KCNQ1: variants seen among roughly 807,000 people sequenced by gnomAD.
KCNQ1 encodes potassium voltage-gated channel subfamily Q member 1.
KCNQ1 carries 49 observed loss-of-function variants against 72.4 expected under a neutral mutation model. The observed-to-expected ratio is 0.68, with a 90% CI of 0.54 to 0.86. The LOEUF (loss-of-function observed/expected upper bound fraction) is 0.86. Ranked by LOEUF, KCNQ1 falls within the 40% of genes least tolerant of loss-of-function variation. The pLI, the probability that KCNQ1 is intolerant of heterozygous loss-of-function variation, is 0.00. For missense variants in KCNQ1, 790 were observed against 945.1 expected, an observed-to-expected ratio of 0.84 and a Z score of 2.15; for synonymous variants, 450 against 412.6, an observed-to-expected ratio of 1.09 and a Z score of -1.10.
rs1023577839 is a variant in KCNQ1 at position 2,690,232 on chromosome 11, A to G, written c.1514+28151A>G. The G allele has an allele frequency of 1.5e-5, 6 of 398,700 alleles. No homozygotes were observed. In the East Asian group the frequency reaches 1.8e-4, roughly 12 times the overall value. The allele number at this position is 398,700 out of a possible 1,614,324, so 24.7% of individuals were successfully genotyped here. A position where few individuals can be genotyped will look rare whatever the true frequency, so the allele number is the denominator to read the frequency against. ...TGTCAAGTGCCTGGTGACCTCAAGCAAGTCATTCCATGTGGCTGAGCTGCT... is the reference window on the plus strand; with the variant it reads ...TGTCAAGTGCCTGGTGACCTCAAGCGAGTCATTCCATGTGGCTGAGCTGCT... On this transcript the variant is annotated intron_variant, in intron 11 of 15. Coordinates refer to ENST00000155840, the MANE Select transcript of KCNQ1 (RefSeq NM_000218.3). The surrounding 1 kb of genome is among the most constrained non-coding windows in gnomAD (Gnocchi z 5.1).
At chr11:2,452,301 A>T (rs946712276) in intron 1 of KCNQ1, among the ~76,000 whole-genome samples, 3 of 152,138 alleles carry the variant, frequency 2.0e-5, no homozygotes, top group Non-Finnish European at 4.4e-5. Context: ...GAGCAGCTGG[A>T]CAGGGACCCC....
rs898984888 is a variant in KCNQ1 at position 2,447,551 on chromosome 11, G to A, written c.386+2067G>A. ...CCCACCCTCAGTGCCCTAGGAGGTT[G>A]GCAGGACCAGTCTCTTGAGGGGAGA... On this transcript the variant is annotated intron_variant, in intron 1 of 15. Coordinates refer to ENST00000155840, the MANE Select transcript of KCNQ1 (RefSeq NM_000218.3). The surrounding 1 kb of genome is among the most constrained non-coding windows in gnomAD (Gnocchi z 7.6). 3.9e-5 allele frequency among the ~76,000 whole-genome samples: 6 copies of A among 152,102 alleles called. No homozygotes were observed. The highest frequency in any genetic ancestry group is 8.8e-5 in the Non-Finnish European group (6 of 68,008).
At position 2,830,921 on chromosome 11, in the gene KCNQ1, G is replaced by A. The variant is rs1052071219; in HGVS notation, c.1795-16846G>A. On this transcript the variant is annotated intron_variant, in intron 15 of 15. Coordinates refer to ENST00000155840, the MANE Select transcript of KCNQ1 (RefSeq NM_000218.3). The surrounding 1 kb of genome is among the most constrained non-coding windows in gnomAD (Gnocchi z 7.7). ...AGCTGACCAGGGAGTCTTTGAAACC[G>A]CAAGGGTACCCTTGGGAGACCCCGT... Among the ~76,000 whole-genome samples the A allele has an allele frequency of 5.9e-5, 9 of 152,180 alleles. No individual in the cohort carries two copies. Among genetic ancestry groups the A allele is most frequent in the East Asian group, 3.9e-4 (2 of 5,186 alleles).
At position 2,508,863 on chromosome 11, in the gene KCNQ1, C is replaced by T. The variant is rs1337388896; in HGVS notation, c.387-19065C>T. On this transcript the variant is annotated intron_variant, in intron 1 of 15. Transcript: ENST00000155840. This position sits in a 1 kb window ranked among gnomAD's most constrained non-coding sequence, Gnocchi z 6.2. ...AGTTGAATGCATGCTCCCTCCACAC[C>T]CATGTGCCTGATGCACACAGCCTGG... Among the ~76,000 whole-genome samples the T allele has an allele frequency of 2.6e-5, 4 of 152,224 alleles. No individual in the cohort carries two copies. The highest frequency in any genetic ancestry group is 9.6e-5 in the African/African-American group (4 of 41,458).
Position 2,748,230 on chromosome 11 carries a change from G to A in KCNQ1, c.1515-20614G>A, listed in dbSNP as rs555618736. 1.8e-4 allele frequency among the ~76,000 whole-genome samples: 28 copies of A among 152,000 alleles called. No individual in the cohort carries two copies. The highest frequency in any genetic ancestry group is 2.0e-4 in the Admixed American group (3 of 15,276). ...CTGTCTCCTTGTGTCCCCAGACCTC[G>A]GGCGAGGGAGAAGCAAGTTCCCCTC... On this transcript the variant is annotated intron_variant, in intron 11 of 15. Coordinates refer to ENST00000155840, the MANE Select transcript of KCNQ1 (RefSeq NM_000218.3). The surrounding 1 kb of genome is among the most constrained non-coding windows in gnomAD (Gnocchi z 6.2).
chr11:2,584,306 TGTTA>T (rs1848552391), intron 7 of KCNQ1, among the ~76,000 whole-genome samples: 1 of 152,204 alleles, frequency 6.6e-6, no homozygotes, highest in East Asian at 1.9e-4. Flanking sequence ...TGTAGACATG[TGTTA>T]GTATGTGCTT....
chr11:2,550,480 C>G lies in KCNQ1; in HGVS notation c.478-20148C>G, dbSNP rs1044639374. On this transcript the variant is annotated intron_variant, in intron 2 of 15. Coordinates refer to ENST00000155840, the MANE Select transcript of KCNQ1 (RefSeq NM_000218.3). This position sits in a 1 kb window ranked among gnomAD's most constrained non-coding sequence, Gnocchi z 6.0. ...CCTAGGCAGCTCCATGCGCGGGCCC[C>G]GGAGCTGGAAAGCAGCCAAGGGCAC... is the stretch of plus-strand genomic sequence containing the variant. Among the ~76,000 whole-genome samples, 1 of 152,190 alleles carries G rather than the reference C, an allele frequency of 6.6e-6. No homozygotes were observed. The highest frequency in any genetic ancestry group is 2.4e-5 in the African/African-American group (1 of 41,438).
At chr11:2,561,209 AAAAAAAG>A (rs1299989579) in intron 2 of KCNQ1, among the ~76,000 whole-genome samples, 7 of 123,520 alleles carry the variant, frequency 5.7e-5, no homozygotes, top group African/African-American at 2.2e-4. Context: ...TCAAAAAAAA[AAAAAAAG>A]AAAAAAAGAA....
At position 2,650,806 on chromosome 11, in the gene KCNQ1, A is replaced by G. The variant is rs1251021079; in HGVS notation, c.1394-11155A>G. 1.3e-5 allele frequency: 5 copies of G among 398,634 alleles called. No individual in the cohort carries two copies. The East Asian group carries it at 1.8e-4, about 14-fold the overall frequency. The allele number at this position is 398,634 out of a possible 1,614,324, so 24.7% of individuals were successfully genotyped here. A position where few individuals can be genotyped will look rare whatever the true frequency, so the allele number is the denominator to read the frequency against. ...CCTAATACTGCTAACAGCATGGGTC[A>G]TGTGGTTTTATTTGCACTTACTGAT... On this transcript the variant is annotated intron_variant, in intron 10 of 15. Coordinates refer to ENST00000155840, the MANE Select transcript of KCNQ1 (RefSeq NM_000218.3).
chr11:2,580,294 G>A (rs1848480297), intron 6 of KCNQ1, among the ~76,000 whole-genome samples: 1 of 152,032 alleles, frequency 6.6e-6, no homozygotes. Context: ...TGGTCTCAGG[G>A]CCCCTTGGTG....
At chr11:2,714,098 C>A (rs1216489831) in intron 11 of KCNQ1, among the ~76,000 whole-genome samples, 1 of 152,224 alleles carries the variant, frequency 6.6e-6, no homozygotes, top group Admixed American at 6.5e-5. Context: ...TCTTTCCGAG[C>A]CTCTCCTGTT....
At chr11:2,740,162 C>T (rs1158848675) in intron 11 of KCNQ1, among the ~76,000 whole-genome samples, 1 of 152,124 alleles carries the variant, frequency 6.6e-6, no homozygotes, top group African/African-American at 2.4e-5. Context: ...TTCTTTACCC[C>T]TCTGTGAGAT....
chr11:2,519,251 C>A (rs1847338177), intron 1 of KCNQ1, among the ~76,000 whole-genome samples: 2 of 152,236 alleles, frequency 1.3e-5, no homozygotes, highest in South Asian at 2.1e-4. Flanking sequence ...ATCACCACCC[C>A]CAGCTCCCTT....
chr11:2,533,601 C>A (rs905294594), intron 2 of KCNQ1, among the ~76,000 whole-genome samples: 15 of 152,196 alleles, frequency 9.9e-5, no homozygotes, highest in African/African-American at 3.4e-4. Flanking sequence ...TGCGCACATG[C>A]GTACACATAT....
intron 1 of KCNQ1, among the ~76,000 whole-genome samples, chr11:2,474,696 C>G (rs939851188): frequency 1.3e-4 from 5 of 39,780 alleles, no homozygotes; most frequent in Admixed American, 1.1e-3. Context: ...GAGCTTGGGC[C>G]CCTGCTCCCA....
In KCNQ1 at chr11:2,617,216, T is replaced by C. The variant is rs537482207; in HGVS notation, c.1393+28362T>C. 1 of 398,424 alleles carries C rather than the reference T, an allele frequency of 2.5e-6. No individual in the cohort carries two copies. The highest frequency in any genetic ancestry group is 2.1e-5 in the African/African-American group (1 of 48,738). The allele number at this position is 398,424 out of a possible 1,614,324, so 24.7% of individuals were successfully genotyped here. On this transcript the variant is annotated intron_variant, in intron 10 of 15. Transcript: ENST00000155840. The surrounding 1 kb of genome is among the most constrained non-coding windows in gnomAD (Gnocchi z 4.6). ...GCTACTTGGTATCCTTTGACCTACA[T>C]CTTTCCATTTTCTTCCCCCACACCT...
chr11:2,611,350 G>T lies in KCNQ1; in HGVS notation c.1393+22496G>T. On this transcript the variant is annotated intron_variant, in intron 10 of 15. Transcript: ENST00000155840. The surrounding 1 kb of genome is among the most constrained non-coding windows in gnomAD (Gnocchi z 5.3). ...TTCTCTTGCCTCAGCATCCCAAGTA[G>T]CTGGGACTACAGGCATTTGCCACCA... The T allele has an allele frequency of 2.5e-6, 1 of 397,496 alleles. No individual in the cohort carries two copies. Among genetic ancestry groups the T allele is most frequent in the Non-Finnish European group, 4.4e-6 (1 of 225,946 alleles). The allele number at this position is 397,496 out of a possible 1,614,324, so 24.6% of individuals were successfully genotyped here. A position where few individuals can be genotyped will look rare whatever the true frequency, so the allele number is the denominator to read the frequency against.
rs1589983752 is a variant in KCNQ1 at position 2,617,070 on chromosome 11, C to A, written c.1393+28216C>A. Reference sequence around the variant, plus strand: ...ATATGTCCATCATCTCACAGTTATTCTTTTGTGTGTATGAGTGAGAAAAGC... The same window carrying A: ...ATATGTCCATCATCTCACAGTTATTATTTTGTGTGTATGAGTGAGAAAAGC... On this transcript the variant is annotated intron_variant, in intron 10 of 15. Transcript: ENST00000155840. This position sits in a 1 kb window ranked among gnomAD's most constrained non-coding sequence, Gnocchi z 4.6. 5.0e-6 allele frequency: 2 copies of A among 397,952 alleles called. No homozygotes were observed. Among genetic ancestry groups the A allele is most frequent in the Admixed American group, 8.8e-5 (2 of 22,680 alleles). The allele number at this position is 397,952 out of a possible 1,614,324, so 24.7% of individuals were successfully genotyped here.
intron 1 of KCNQ1, among the ~76,000 whole-genome samples, chr11:2,487,550 A>G (rs1052707415): frequency 6.6e-6 from 1 of 152,146 alleles, no homozygotes; most frequent in Non-Finnish European, 1.5e-5. Context: ...TTCTTTCAGT[A>G]ATGTTTTGTG....
Sources: allele counts gnomAD v4.1 joint callset (sites outside exome capture counted in the v4.1 genomes callset), GRCh38; gene constraint gnomAD v4.1.1; non-coding constraint Gnocchi (gnomAD v3.1); transcripts MANE v1.5; gene names NCBI Gene and HGNC (gene_info 2026-07-23, HGNC 2026-07-21).